The following CRPPA variants were observed in gnomAD, a reference collection of about 807,000 sequenced individuals.
The protein encoded by CRPPA is CDP-L-ribitol pyrophosphorylase A.
In CRPPA, 43 loss-of-function variants were observed where a neutral mutation model predicts 52.0. The observed-to-expected ratio is 0.83, with a 90% CI of 0.65 to 1.07. The LOEUF is 1.07. CRPPA is among the 50% of genes least tolerant of loss of function. CRPPA has a pLI of 0.00. For missense variants in CRPPA, 629 were observed against 551.7 expected (o/e 1.14, Z -1.40); for synonymous variants, 250 against 203.5 (o/e 1.23, Z -1.94).
At chr7:16,338,565 A>G (rs1451485653) in intron 3 of CRPPA, among the ~76,000 whole-genome samples, 1 of 152,182 alleles carries the variant, frequency 6.6e-6, no homozygotes, top group South Asian at 2.1e-4. Flanking sequence ...TACTAATACC[A>G]AAATGGAAGA....
chr7:16,261,975 T>C (rs757264683), intron 6 of CRPPA: 1 of 152,162 alleles, frequency 6.6e-6, no homozygotes, highest in Non-Finnish European at 1.5e-5. Context: ...TCCTCCATTA[T>C]ATTTGGAATG....
At chr7:16,222,006 T>C (rs1174273487) in intron 8 of CRPPA, among the ~76,000 whole-genome samples, 2 of 151,656 alleles carry the variant, frequency 1.3e-5, no homozygotes, top group African/African-American at 4.8e-5. Context: ...CGTATGTTTA[T>C]TGTGGCATTA....
chr7:16,394,427 T>G lies in CRPPA; in HGVS notation c.534+11634A>C, dbSNP rs974989048. On this transcript the variant is annotated intron_variant, in intron 2 of 9. Coordinates refer to ENST00000407010, the MANE Select transcript of CRPPA (RefSeq NM_001101426.4). ...CAAAACATTCTTCAGGAAAAGATGTTATACAACTAAAGAGAAAAGTGAGAC... is the reference window on the plus strand; with the variant it reads ...CAAAACATTCTTCAGGAAAAGATGTGATACAACTAAAGAGAAAAGTGAGAC... Among the ~76,000 whole-genome samples the G allele has an allele frequency of 2.3e-4, 35 of 152,084 alleles. 1 individual carries two copies. Among genetic ancestry groups the G allele is most frequent in the Non-Finnish European group, 2.9e-5 (2 of 67,990 alleles).
chr7:16,126,740 C>G lies in CRPPA; in HGVS notation c.1252-34941G>C, dbSNP rs148728528. 1.7e-3 allele frequency among the ~76,000 whole-genome samples: 258 copies of G among 152,140 alleles called. 7 individuals carry two copies. The East Asian group carries it at 0.047, about 28-fold the overall frequency. On this transcript the variant is annotated intron_variant, in intron 9 of 9. Coordinates refer to ENST00000407010, the MANE Select transcript of CRPPA (RefSeq NM_001101426.4). ...AGCTGGACAACTGACTCCAGGAGTT[C>G]TTCCAGAATACAGACAAAAAGGAAG...
intron 3 of CRPPA, among the ~76,000 whole-genome samples, chr7:16,330,688 A>G (rs1011303533): frequency 5.9e-5 from 9 of 152,118 alleles, no homozygotes; most frequent in African/African-American, 1.9e-4. Flanking sequence ...TTCTCATACT[A>G]CTAATATGGG....
At chr7:16,405,850 A>G (rs1424838377) in intron 2 of CRPPA, among the ~76,000 whole-genome samples, 1 of 152,218 alleles carries the variant, frequency 6.6e-6, no homozygotes, top group Non-Finnish European at 1.5e-5. Flanking sequence ...CAAATACCTC[A>G]TATCACATTA....
chr7:16,394,514 G>A (rs1392426060), intron 2 of CRPPA, among the ~76,000 whole-genome samples: 21 of 152,152 alleles, frequency 1.4e-4, no homozygotes, highest in Admixed American at 1.4e-3. Flanking sequence ...AGACTTGGGA[G>A]GAGATAGTTT....
At chr7:16,264,998 G>A (rs1449694942) in intron 6 of CRPPA, among the ~76,000 whole-genome samples, 2 of 152,166 alleles carry the variant, frequency 1.3e-5, no homozygotes, top group Non-Finnish European at 1.5e-5. Context: ...GAATTTATAT[G>A]AGGATTGGCT....
Position 16,399,122 on chromosome 7 carries a change from G to A in CRPPA, c.534+6939C>T, listed in dbSNP as rs28490390. On this transcript the variant is annotated intron_variant, in intron 2 of 9. Coordinates refer to ENST00000407010, the MANE Select transcript of CRPPA (RefSeq NM_001101426.4). ...CGTGATCGTCATTTTGGGTCAGCAC[G>A]TGACATTTCACCAATGTGTGACCAA... Among the ~76,000 whole-genome samples the A allele has an allele frequency of 5.4e-3, 823 of 152,316 alleles. 5 individuals are homozygous for A. The highest frequency in any genetic ancestry group is 7.7e-3 in the African/African-American group (321 of 41,574).
chr7:16,405,927 T>A, intron 2 of CRPPA, 134 bp downstream of exon 2: 1 of 800,982 alleles, frequency 1.2e-6, no homozygotes, highest in Non-Finnish European at 2.0e-6. Flanking sequence ...CTACAACAAA[T>A]CACCATAACA....
At chr7:16,344,137 T>C (rs1160881300) in intron 3 of CRPPA, among the ~76,000 whole-genome samples, 1 of 152,122 alleles carries the variant, frequency 6.6e-6, no homozygotes, top group Non-Finnish European at 1.5e-5. Flanking sequence ...GTTGTCATAT[T>C]GTGTTAATGA....
intron 2 of CRPPA, among the ~76,000 whole-genome samples, chr7:16,394,287 G>T (rs764406679): frequency 6.6e-6 from 1 of 152,042 alleles, no homozygotes; most frequent in Non-Finnish European, 1.5e-5. Context: ...TAGTGATTAC[G>T]AACAAACTAT....
intron 9 of CRPPA, among the ~76,000 whole-genome samples, chr7:16,190,814 T>G (rs1562548125): frequency 6.6e-6 from 1 of 152,154 alleles, no homozygotes; most frequent in African/African-American, 2.4e-5. Flanking sequence ...ATGATTCTTA[T>G]GCCTTTGCAT....
chr7:16,325,190 A>G (rs982213778), intron 3 of CRPPA, among the ~76,000 whole-genome samples: 1 of 152,248 alleles, frequency 6.6e-6, no homozygotes, highest in African/African-American at 2.4e-5. Flanking sequence ...AATTTGAACT[A>G]CAACATAAAG....
intron 2 of CRPPA, among the ~76,000 whole-genome samples, chr7:16,397,816 G>C (rs898513948): frequency 2.0e-5 from 3 of 152,148 alleles, no homozygotes; most frequent in African/African-American, 7.2e-5. Context: ...TTTAACATGT[G>C]ACTGACGTGA....
chr7:16,212,066 A>T (rs1223849934), intron 9 of CRPPA, among the ~76,000 whole-genome samples: 1 of 152,194 alleles, frequency 6.6e-6, no homozygotes, highest in Non-Finnish European at 1.5e-5. Flanking sequence ...TTTTTTAAAA[A>T]AACAAAAATG....
At chr7:16,348,822 A>G (rs1786078554) in intron 3 of CRPPA, among the ~76,000 whole-genome samples, 1 of 151,926 alleles carries the variant, frequency 6.6e-6, no homozygotes, top group Admixed American at 6.6e-5. Flanking sequence ...AGGTCTACCC[A>G]CTCTTCTTAG....
intron 8 of CRPPA, chr7:16,237,248 C>T (rs1782978894): frequency 6.6e-6 from 1 of 152,040 alleles, no homozygotes; most frequent in Non-Finnish European, 1.5e-5. Context: ...TTTGTTTTGC[C>T]TGCTATAACA....
intron 9 of CRPPA, among the ~76,000 whole-genome samples, chr7:16,171,928 A>T (rs1012401): frequency 2.0e-5 from 3 of 152,060 alleles, no homozygotes; most frequent in African/African-American, 7.3e-5. Flanking sequence ...GATAATTGTG[A>T]TATAAATATT....
Sources: gnomAD v4.1 joint callset for allele counts (sites outside exome capture counted in the v4.1 genomes callset) on GRCh38, gnomAD v4.1.1 for gene constraint, MANE v1.5 for transcripts, NCBI Gene and HGNC (gene_info 2026-07-23, HGNC 2026-07-21) for gene names.